Variants in OTUD7B observed in about 807,000 individuals in gnomAD.
The protein encoded by OTUD7B is OTU deubiquitinase 7B.
A neutral mutation model predicts 82.2 loss-of-function variants in OTUD7B; 34 were observed. That is an observed-to-expected ratio of 0.41 (90% CI 0.31 to 0.55). The LOEUF is 0.55. Among genes scored for constraint, OTUD7B ranks in the 20% least tolerant of loss-of-function variants. OTUD7B has a pLI of 0.20. For synonymous variants in OTUD7B, 398 were observed against 402.7 expected (o/e 0.99, Z 0.14); for missense variants, 944 against 1,062.1 (o/e 0.89, Z 1.55).
the OTUD7B span, among the ~76,000 whole-genome samples, chr1:150,016,569 C>T: frequency 6.6e-6 from 1 of 151,862 alleles, no homozygotes; most frequent in African/African-American, 2.4e-5. Context: ...TCTCCTGCCC[C>T]AGCCTCCTGA....
At chr1:150,049,670 G>GGCTCGA in the OTUD7B span, among the ~76,000 whole-genome samples, 1 of 122,834 alleles carries the variant, frequency 8.1e-6, no homozygotes, top group Non-Finnish European at 1.6e-5. Flanking sequence ...GCTGATTACA[G>GGCTCGA]GCTCGACCTC....
At chr1:149,945,103 C>T in intron 11 of OTUD7B, 38 bp from the exon 12 acceptor site, 1 of 1,586,698 alleles carries the variant, frequency 6.3e-7, no homozygotes, top group South Asian at 1.1e-5. Flanking sequence ...GTTATCCCAG[C>T]AGCCTGGGGT....
chr1:149,979,958 T>C (rs1553779355), intron 1 of OTUD7B, among the ~76,000 whole-genome samples: 4 of 152,116 alleles, frequency 2.6e-5, no homozygotes, highest in African/African-American at 9.7e-5. Flanking sequence ...TGTAAAGCCA[T>C]TTTAATAACT....
rs1553771119 is a variant in OTUD7B at position 149,944,015 on chromosome 1, G to C, written c.2374C>G (p.Leu792Val). Residue 792 changes from leucine to valine, a missense_variant, in exon 12 of 12, where the codon CTC becomes GTC. By Grantham distance (32) the Leu-to-Val change is conservative. This residue lies in a region of OTUD7B where 412 missense variants were observed against 418.7 expected (regional missense o/e 0.98). Coordinates refer to ENST00000581312, the MANE Select transcript of OTUD7B (RefSeq NM_020205.4). ...GTCTGAGTTGGGGGAAGGCCCCGGAGACCTCCAGCCCATCCATCTGGCTCA... is the reference window on the plus strand; with the variant it reads ...GTCTGAGTTGGGGGAAGGCCCCGGACACCTCCAGCCCATCCATCTGGCTCA... ...PPEPDGWAGG[L>V]RGLPPTQTKC... 6.2e-7 allele frequency: 1 copy of C among 1,614,206 alleles called. No homozygotes were observed. Among genetic ancestry groups the C allele is most frequent in the South Asian group, 1.1e-5 (1 of 91,088 alleles).
chr1:150,033,895 T>A, the OTUD7B span, among the ~76,000 whole-genome samples: 1 of 152,154 alleles, frequency 6.6e-6, no homozygotes. Flanking sequence ...CTAATTTTTG[T>A]ATTTTTAGTA....
At chr1:150,037,717 G>A in the OTUD7B span, among the ~76,000 whole-genome samples, 6 of 152,118 alleles carry the variant, frequency 3.9e-5, no homozygotes, top group East Asian at 1.9e-4. Context: ...AGCCTCCCGC[G>A]TAGTTGGGAT....
At chr1:150,037,652 C>T in the OTUD7B span, among the ~76,000 whole-genome samples, 1 of 151,992 alleles carries the variant, frequency 6.6e-6, no homozygotes, top group African/African-American at 2.4e-5. Context: ...TGCAGTGCCG[C>T]GATCTCAGCT....
chr1:150,063,851 G>A, the OTUD7B span, among the ~76,000 whole-genome samples: 11 of 152,152 alleles, frequency 7.2e-5, no homozygotes, highest in African/African-American at 2.4e-4. Flanking sequence ...TTGAGGCTGC[G>A]TAGACACTAA....
intron 1 of OTUD7B, among the ~76,000 whole-genome samples, chr1:149,992,479 T>TTTTG (rs1553782350): frequency 0.43 from 2,945 of 6,826 alleles, 407 homozygotes; most frequent in Non-Finnish European, 0.56. Context: ...TTTTTTTTTT[T>TTTTG]TTTTTTTTTT....
At chr1:149,953,122 C>T (rs1432076491) in intron 7 of OTUD7B, among the ~76,000 whole-genome samples, 4 of 152,134 alleles carry the variant, frequency 2.6e-5, no homozygotes, top group Non-Finnish European at 5.9e-5. Context: ...AGTCCTTGCC[C>T]ATGCCTATGT....
the OTUD7B span, among the ~76,000 whole-genome samples, chr1:150,018,029 G>A: frequency 6.6e-6 from 1 of 152,122 alleles, no homozygotes; most frequent in Non-Finnish European, 1.5e-5. Context: ...GGACGAGCCT[G>A]CAAAGCATAG....
At chr1:149,953,127 C>T (rs1200786361) in intron 7 of OTUD7B, among the ~76,000 whole-genome samples, 2 of 152,158 alleles carry the variant, frequency 1.3e-5, no homozygotes, top group African/African-American at 4.8e-5. Context: ...TTGCCCATGC[C>T]TATGTCCTGA....
At chr1:150,011,206 T>G (rs1413949526), upstream of OTUD7B, among the ~76,000 whole-genome samples, 1 of 152,234 alleles carries the variant, frequency 6.6e-6, no homozygotes, top group Non-Finnish European at 1.5e-5. Flanking sequence ...AGTGAACATA[T>G]CCTTCTCTGT....
chr1:150,042,483 C>A, the OTUD7B span, among the ~76,000 whole-genome samples: 1,373 of 151,850 alleles, frequency 9.0e-3, 16 homozygotes, highest in Non-Finnish European at 0.011. Flanking sequence ...CCCAAGAGTT[C>A]TTTTTACCTT....
intron 3 of OTUD7B, among the ~76,000 whole-genome samples, chr1:149,968,262 CAAAAA>C (rs61307639): frequency 1.1e-4 from 14 of 131,212 alleles, no homozygotes; most frequent in African/African-American, 3.2e-4. Context: ...GACCCCGTTT[CAAAAA>C]AAAAAAAAAA....
At chr1:150,006,085 G>A (rs1305310535) in intron 1 of OTUD7B, among the ~76,000 whole-genome samples, 7 of 152,070 alleles carry the variant, frequency 4.6e-5, no homozygotes, top group African/African-American at 1.7e-4. Flanking sequence ...CCACCATCAG[G>A]TAATATAAGC....
chr1:149,964,210 AC>A lies in OTUD7B; in HGVS notation c.732+11del, dbSNP rs781853126. On this transcript the variant is annotated intron_variant, in intron 6 of 11. Transcript: ENST00000581312. ...TTTAGGAAACAAGGCGCTCCCACCC[AC>A]GCTCTCCCACCTCTTTATTCTGCTG... 3.1e-6 allele frequency: 5 copies of A among 1,610,244 alleles called. No homozygotes were observed. The highest frequency in any genetic ancestry group is 4.2e-6 in the Non-Finnish European group (5 of 1,179,892).
chr1:150,043,466 A>C, the OTUD7B span, among the ~76,000 whole-genome samples: 1 of 152,156 alleles, frequency 6.6e-6, no homozygotes, highest in Non-Finnish European at 1.5e-5. Flanking sequence ...AAAGGGTAGA[A>C]ATTAGAAGGA....
chr1:149,999,642 T>C (rs1652147129), intron 1 of OTUD7B, among the ~76,000 whole-genome samples: 2 of 152,318 alleles, frequency 1.3e-5, no homozygotes, highest in South Asian at 4.1e-4. Flanking sequence ...GGTAGGAGGA[T>C]GGCTTGAGCC....
Sources: allele counts gnomAD v4.1 joint callset (sites outside exome capture counted in the v4.1 genomes callset), GRCh38; gene constraint gnomAD v4.1.1; regional missense constraint gnomAD v4.1.1; transcripts MANE v1.5; gene names NCBI Gene and HGNC (gene_info 2026-07-23, HGNC 2026-07-21).